Variants in MICU1 observed in about 807,000 individuals in gnomAD.
MICU1 encodes the protein calcium uptake protein 1, mitochondrial.
A neutral mutation model predicts 56.8 loss-of-function variants in MICU1; 45 were observed. That is an observed-to-expected ratio of 0.79 (90% CI 0.62 to 1.02). The LOEUF is 1.02. Among genes scored for constraint, MICU1 ranks in the 50% least tolerant of loss-of-function variants. MICU1 has a pLI of 0.00. For missense variants in MICU1, 504 were observed against 587.1 expected, an observed-to-expected ratio of 0.86 and a Z score of 1.46; for synonymous variants, 186 against 195.1, an observed-to-expected ratio of 0.95 and a Z score of 0.39.
intron 6 of MICU1, among the ~76,000 whole-genome samples, chr10:72,489,599 C>T (rs1866589286): frequency 6.6e-6 from 1 of 152,218 alleles, no homozygotes; most frequent in African/African-American, 2.4e-5. Context: ...AGATAGTTTA[C>T]AACTTTGCAA....
chr10:72,512,161 G>T (rs989294632), intron 5 of MICU1, among the ~76,000 whole-genome samples: 1 of 134,538 alleles, frequency 7.4e-6, no homozygotes, highest in Non-Finnish European at 1.5e-5. Context: ...CGCCAGGCTG[G>T]AGTACAGTGG....
At chr10:72,487,676 A>T (rs1468664469) in intron 6 of MICU1, among the ~76,000 whole-genome samples, 1 of 152,194 alleles carries the variant, frequency 6.6e-6, no homozygotes, top group African/African-American at 2.4e-5. Flanking sequence ...TGTTTTGAGA[A>T]AGCCAAAGCT....
intron 6 of MICU1, among the ~76,000 whole-genome samples, chr10:72,482,079 G>A (rs1866316347): frequency 1.3e-5 from 2 of 152,194 alleles, no homozygotes; most frequent in Admixed American, 1.3e-4. Flanking sequence ...TTTTCTATGT[G>A]TATTGAGTCA....
At chr10:72,539,680 A>T (rs955025879) in intron 4 of MICU1, among the ~76,000 whole-genome samples, 2 of 152,190 alleles carry the variant, frequency 1.3e-5, no homozygotes, top group Non-Finnish European at 2.9e-5. Context: ...TTAGGGAACT[A>T]GAAAAACAAG....
chr10:72,443,897 A>G (rs1865019154), intron 8 of MICU1, among the ~76,000 whole-genome samples: 1 of 151,876 alleles, frequency 6.6e-6, no homozygotes, highest in South Asian at 2.1e-4. Context: ...ACTATAAATC[A>G]TGCTGCTATA....
intron 8 of MICU1, among the ~76,000 whole-genome samples, chr10:72,443,276 T>C (rs1324445442): frequency 6.6e-6 from 1 of 152,172 alleles, no homozygotes; most frequent in Non-Finnish European, 1.5e-5. Flanking sequence ...ATTAGCCCTT[T>C]GTCAGATGAG....
intron 6 of MICU1, among the ~76,000 whole-genome samples, chr10:72,484,410 C>CA (rs528815777): frequency 0.05 from 6,598 of 132,562 alleles, 443 homozygotes; most frequent in African/African-American, 0.17. Flanking sequence ...ATACCAAGGA[C>CA]AAAAAAAAAA....
intron 8 of MICU1, among the ~76,000 whole-genome samples, chr10:72,471,599 C>G (rs1865954045): frequency 6.6e-6 from 1 of 151,336 alleles, no homozygotes. Flanking sequence ...TTTTAAATTT[C>G]TTTGTTTGTT....
intron 5 of MICU1, among the ~76,000 whole-genome samples, chr10:72,526,666 A>G (rs1314712918): frequency 1.3e-5 from 2 of 152,242 alleles, no homozygotes; most frequent in Non-Finnish European, 2.9e-5. Flanking sequence ...AAATGATGCT[A>G]TATTTAACAT....
chr10:72,535,016 T>TTTTA (rs1564923298), intron 4 of MICU1, among the ~76,000 whole-genome samples: 20 of 88,082 alleles, frequency 2.3e-4, no homozygotes, highest in African/African-American at 7.9e-4. Flanking sequence ...TTTTATTTTA[T>TTTTA]TTTATTTTAT....
chr10:72,518,557 T>G (rs530644799), intron 5 of MICU1, among the ~76,000 whole-genome samples: 3 of 152,310 alleles, frequency 2.0e-5, no homozygotes, highest in Admixed American at 6.5e-5. Flanking sequence ...GGTAATAAAT[T>G]ATCAGTTCAG....
chr10:72,379,838 C>T (rs1380226889), intron 10 of MICU1, among the ~76,000 whole-genome samples: 1 of 152,098 alleles, frequency 6.6e-6, no homozygotes, highest in East Asian at 1.9e-4. Flanking sequence ...GTTATTGTAG[C>T]CCAAACCACT....
At chr10:72,613,787 C>T (rs570713896) in intron 1 of MICU1, among the ~76,000 whole-genome samples, 66 of 152,250 alleles carry the variant, frequency 4.3e-4, no homozygotes, top group African/African-American at 1.5e-3. Flanking sequence ...CTCTCTTAAT[C>T]TAGAAGAGTT....
intron 8 of MICU1, among the ~76,000 whole-genome samples, chr10:72,439,949 A>G (rs1185852183): frequency 2.0e-5 from 3 of 152,246 alleles, no homozygotes; most frequent in African/African-American, 4.8e-5. Context: ...GGAAGAATCA[A>G]TATCCTGAAA....
chr10:72,423,671 T>C (rs1452050883), intron 8 of MICU1, among the ~76,000 whole-genome samples: 2 of 152,206 alleles, frequency 1.3e-5, no homozygotes, highest in African/African-American at 4.8e-5. Context: ...TAGGTATTCC[T>C]AGCCTCTAGA....
chr10:72,386,557 ATTTTTTT>A (rs34210330), intron 10 of MICU1, among the ~76,000 whole-genome samples: 3 of 120,188 alleles, frequency 2.5e-5, no homozygotes, highest in East Asian at 4.8e-4. Flanking sequence ...CCCGCCACCT[ATTTTTTT>A]TTTTTTTTTT....
chr10:72,518,479 T>C (rs894611185), intron 5 of MICU1, among the ~76,000 whole-genome samples: 1 of 152,166 alleles, frequency 6.6e-6, no homozygotes, highest in African/African-American at 2.4e-5. Flanking sequence ...AAGAAATTTT[T>C]TAATATAAAA....
intron 1 of MICU1, among the ~76,000 whole-genome samples, chr10:72,603,855 C>G (rs5013010): frequency 0.58 from 87,871 of 151,988 alleles, 26,638 homozygotes; most frequent in Non-Finnish European, 0.67. Flanking sequence ...GTAAGGTGTA[C>G]ACTGGTTTGA....
At chr10:72,566,039 C>CTTTT (rs11376019) in intron 2 of MICU1, among the ~76,000 whole-genome samples, 154 of 69,766 alleles carry the variant, frequency 2.2e-3, no homozygotes, top group Non-Finnish European at 2.7e-3. Flanking sequence ...CATTCATTTT[C>CTTTT]TTTTTTTTTT....
Sources: gnomAD v4.1 joint callset for allele counts (sites outside exome capture counted in the v4.1 genomes callset) on GRCh38, gnomAD v4.1.1 for gene constraint, MANE v1.5 for transcripts, NCBI Gene and HGNC (gene_info 2026-07-23, HGNC 2026-07-21) for gene names.